Variants in CACNA2D3 observed in about 807,000 individuals in gnomAD.
CACNA2D3 encodes voltage-dependent calcium channel subunit alpha-2/delta-3.
In CACNA2D3, 60 loss-of-function variants were observed where a neutral mutation model predicts 160.6. The observed-to-expected ratio is 0.37, with a 90% CI of 0.30 to 0.46. The LOEUF (loss-of-function observed/expected upper bound fraction) is 0.46, where lower values mean the gene tolerates loss of function less well. CACNA2D3 is among the 20% of genes least tolerant of loss of function. The pLI, the probability that CACNA2D3 is intolerant of heterozygous loss-of-function variation, is 1.00. For synonymous variants in CACNA2D3, 558 were observed against 492.9 expected (o/e 1.13, Z -1.75); for missense variants, 1,205 against 1,365.0 (o/e 0.88, Z 1.85).
At chr3:54,158,843 T>C (rs1700289045) in intron 2 of CACNA2D3, among the ~76,000 whole-genome samples, 1 of 152,254 alleles carries the variant, frequency 6.6e-6, no homozygotes, top group South Asian at 2.1e-4. Flanking sequence ...GTGATGGTCA[T>C]TAGTTTACAA....
chr3:54,150,183 A>T (rs927897138), intron 2 of CACNA2D3, among the ~76,000 whole-genome samples: 45 of 151,910 alleles, frequency 3.0e-4, no homozygotes, highest in Non-Finnish European at 1.0e-4. Context: ...AAAACAAAAT[A>T]AAAAAGATGA....
intron 35 of CACNA2D3, among the ~76,000 whole-genome samples, chr3:55,058,030 T>C (rs1423819549): frequency 1.3e-5 from 2 of 152,188 alleles, no homozygotes; most frequent in Non-Finnish European, 2.9e-5. Flanking sequence ...GTCTAAAACA[T>C]TGCCTTTCAT....
intron 2 of CACNA2D3, among the ~76,000 whole-genome samples, chr3:54,272,096 G>A (rs1015000086): frequency 2.0e-5 from 3 of 152,040 alleles, no homozygotes; most frequent in African/African-American, 7.2e-5. Context: ...GTCTGGATGG[G>A]ACACATACCT....
chr3:54,945,536 C>T (rs1452489192), intron 27 of CACNA2D3, among the ~76,000 whole-genome samples: 1 of 152,182 alleles, frequency 6.6e-6, no homozygotes, highest in African/African-American at 2.4e-5. Context: ...TTGAGGAGGC[C>T]TGGACTTCTT....
chr3:54,196,967 C>G (rs1301291737), intron 2 of CACNA2D3, among the ~76,000 whole-genome samples: 1 of 152,094 alleles, frequency 6.6e-6, no homozygotes, highest in Non-Finnish European at 1.5e-5. Flanking sequence ...GTTTTACTTT[C>G]CCCCACTAAT....
At chr3:54,484,301 C>G (rs906262578) in intron 4 of CACNA2D3, among the ~76,000 whole-genome samples, 3 of 152,186 alleles carry the variant, frequency 2.0e-5, no homozygotes, top group African/African-American at 7.2e-5. Flanking sequence ...ATGACCCCCT[C>G]CCCGCGGACT....
intron 3 of CACNA2D3, among the ~76,000 whole-genome samples, chr3:54,332,635 AT>A (rs71074964): frequency 0.2 from 30,732 of 152,090 alleles, 3,371 homozygotes; most frequent in Middle Eastern, 0.28. Context: ...TGAAGTGCTT[AT>A]TTCTTTGAGA....
chr3:54,634,393 T>G (rs962033909), intron 10 of CACNA2D3: 7 of 152,242 alleles, frequency 4.6e-5, no homozygotes, highest in African/African-American at 7.2e-5. Context: ...CTTATCCTTC[T>G]TTGCTTTCTT....
chr3:54,400,585 C>A (rs966898407), intron 4 of CACNA2D3, among the ~76,000 whole-genome samples: 1 of 152,172 alleles, frequency 6.6e-6, no homozygotes, highest in Non-Finnish European at 1.5e-5. Context: ...ACCACCACTG[C>A]CCCAAACTCC....
intron 27 of CACNA2D3, among the ~76,000 whole-genome samples, chr3:54,921,866 G>A (rs991940970): frequency 6.0e-5 from 9 of 150,954 alleles, no homozygotes; most frequent in African/African-American, 1.2e-4. Flanking sequence ...CTGTTATGTC[G>A]GTTAGCCTGC....
rs527915386 is a variant in CACNA2D3 at position 54,352,244 on chromosome 3, CTACT to C, written c.321+31687_321+31690del. On this transcript the variant is annotated intron_variant, in intron 3 of 37. Transcript: ENST00000474759. ...AAGCTAACTTTATTCCTGGGAGCCT[CTACT>C]GAGTCGTTTATAAAATAAAGGTGGT... is the stretch of plus-strand genomic sequence containing the variant. Among the ~76,000 whole-genome samples the C allele has an allele frequency of 1.1e-3, 160 of 152,284 alleles. 1 individual carries two copies. The highest frequency in any genetic ancestry group is 3.3e-3 in the African/African-American group (136 of 41,544).
chr3:54,360,899 T>C (rs888899311), intron 3 of CACNA2D3, among the ~76,000 whole-genome samples: 8 of 152,152 alleles, frequency 5.3e-5, no homozygotes, highest in African/African-American at 1.9e-4. Flanking sequence ...TTATTTGGTT[T>C]TTCTATGTCT....
intron 11 of CACNA2D3, among the ~76,000 whole-genome samples, chr3:54,712,853 T>C (rs1700978645): frequency 1.3e-5 from 2 of 152,238 alleles, no homozygotes; most frequent in African/African-American, 2.4e-5. Flanking sequence ...AACAACCCTG[T>C]GGTTGCATTG....
chr3:54,319,157 GACACACACACACAC>G (rs58790730), intron 2 of CACNA2D3, among the ~76,000 whole-genome samples: 6 of 138,966 alleles, frequency 4.3e-5, no homozygotes, highest in African/African-American at 1.1e-4. Context: ...AGCATTTTGT[GACACACACACACAC>G]ACACACACAC....
At chr3:54,457,364 G>A (rs568257644) in intron 4 of CACNA2D3, among the ~76,000 whole-genome samples, 2 of 152,028 alleles carry the variant, frequency 1.3e-5, no homozygotes, top group Non-Finnish European at 2.9e-5. Flanking sequence ...CATTTGTATA[G>A]TTCTGAAAGT....
chr3:54,183,543 T>A (rs574901390), intron 2 of CACNA2D3, among the ~76,000 whole-genome samples: 1 of 151,826 alleles, frequency 6.6e-6, no homozygotes, highest in Admixed American at 6.6e-5. Context: ...AAAAAAAAAA[T>A]CTGTGTATTG....
At chr3:54,583,701 G>A (rs1702715440) in intron 9 of CACNA2D3, among the ~76,000 whole-genome samples, 1 of 152,100 alleles carries the variant, frequency 6.6e-6, no homozygotes. Flanking sequence ...TTCAGATTTT[G>A]GAGAATTTCA....
At chr3:54,322,347 A>G (rs193255862) in intron 3 of CACNA2D3, among the ~76,000 whole-genome samples, 153 of 152,328 alleles carry the variant, frequency 1.0e-3, no homozygotes, top group African/African-American at 3.3e-3. Flanking sequence ...GCATTACGAG[A>G]AGTCAATGAT....
chr3:54,939,321 C>A (rs1034328104), intron 27 of CACNA2D3, among the ~76,000 whole-genome samples: 1 of 152,196 alleles, frequency 6.6e-6, no homozygotes, highest in African/African-American at 2.4e-5. Flanking sequence ...TTGCCTGAGA[C>A]CCAATTTCTA....
Sources: gnomAD v4.1 joint callset for allele counts (sites outside exome capture counted in the v4.1 genomes callset) on GRCh38, gnomAD v4.1.1 for gene constraint, MANE v1.5 for transcripts, NCBI Gene and HGNC (gene_info 2026-07-23, HGNC 2026-07-21) for gene names.